The following KCNIP4 variants were observed in gnomAD, a reference collection of about 807,000 sequenced individuals.
The protein encoded by KCNIP4 is potassium voltage-gated channel interacting protein 4.
A neutral mutation model predicts 34.0 loss-of-function variants in KCNIP4; 12 were observed. That is an observed-to-expected ratio of 0.35 (90% CI 0.23 to 0.57). The LOEUF (loss-of-function observed/expected upper bound fraction) is 0.57. KCNIP4 is among the 20% of genes least tolerant of loss of function. The pLI, the probability that KCNIP4 is intolerant of heterozygous loss-of-function variation, is 0.83. For synonymous variants in KCNIP4, 124 were observed against 102.2 expected (o/e 1.21, Z -1.29); for missense variants, 238 against 311.7 (o/e 0.76, Z 1.78).
At chr4:20,732,630 G>C (rs905482541) in intron 7 of KCNIP4, 51 bp downstream of exon 7, 3 of 1,201,218 alleles carry the variant, frequency 2.5e-6, no homozygotes, top group Non-Finnish European at 3.7e-6. Flanking sequence ...GCAAACATCA[G>C]GAAATTTTCT....
intron 1 of KCNIP4, among the ~76,000 whole-genome samples, chr4:21,443,158 T>C (rs1256737226): frequency 6.6e-6 from 1 of 152,196 alleles, no homozygotes; most frequent in African/African-American, 2.4e-5. Flanking sequence ...ATCTGTATCA[T>C]TGAAATAATC....
At chr4:21,389,224 A>T (rs1014397457) in intron 1 of KCNIP4, among the ~76,000 whole-genome samples, 6 of 151,926 alleles carry the variant, frequency 3.9e-5, no homozygotes, top group African/African-American at 1.5e-4. Flanking sequence ...CAAGCAATCC[A>T]TCTGCCTCAG....
intron 1 of KCNIP4, among the ~76,000 whole-genome samples, chr4:21,269,581 T>C (rs893104040): frequency 7.2e-5 from 11 of 151,936 alleles, no homozygotes; most frequent in Non-Finnish European, 2.9e-5. Flanking sequence ...AATTTTTGTA[T>C]GTTTTGTAGC....
At chr4:20,992,306 T>C (rs1737146904) in intron 1 of KCNIP4, among the ~76,000 whole-genome samples, 2 of 152,090 alleles carry the variant, frequency 1.3e-5, no homozygotes, top group Non-Finnish European at 2.9e-5. Context: ...AGGGGAAATG[T>C]CCGTCACTTG....
intron 1 of KCNIP4, among the ~76,000 whole-genome samples, chr4:21,646,994 A>G (rs931972719): frequency 6.6e-6 from 1 of 152,144 alleles, no homozygotes; most frequent in African/African-American, 2.4e-5. Flanking sequence ...GAGGGGAAAA[A>G]AAACCACAAC....
At chr4:21,045,699 T>G (rs1294443788) in intron 1 of KCNIP4, among the ~76,000 whole-genome samples, 1 of 152,192 alleles carries the variant, frequency 6.6e-6, no homozygotes, top group East Asian at 1.9e-4. Context: ...AGTACATATT[T>G]TATTTATTAG....
intron 1 of KCNIP4, among the ~76,000 whole-genome samples, chr4:21,224,610 G>A (rs1463393770): frequency 3.7e-4 from 31 of 84,592 alleles, no homozygotes; most frequent in Non-Finnish European, 4.3e-4. Flanking sequence ...TTTTTCAGAT[G>A]GAGTCTTGCT....
intron 1 of KCNIP4, among the ~76,000 whole-genome samples, chr4:20,956,188 G>A (rs1222730948): frequency 1.3e-5 from 2 of 152,118 alleles, no homozygotes; most frequent in Admixed American, 6.5e-5. Context: ...ATTACCCTTA[G>A]GAGAAAATAA....
intron 1 of KCNIP4, among the ~76,000 whole-genome samples, chr4:21,179,670 T>C (rs1447948008): frequency 6.6e-6 from 1 of 152,202 alleles, no homozygotes; most frequent in Non-Finnish European, 1.5e-5. Context: ...AATGCATACA[T>C]GCTATTTCTG....
intron 1 of KCNIP4, among the ~76,000 whole-genome samples, chr4:21,935,456 C>A (rs993980299): frequency 1.3e-5 from 2 of 151,992 alleles, no homozygotes; most frequent in African/African-American, 4.8e-5. Context: ...CCTATGCCAT[C>A]CAAACTGCTG....
At chr4:20,986,368 C>T (rs1736579808) in intron 1 of KCNIP4, among the ~76,000 whole-genome samples, 1 of 152,136 alleles carries the variant, frequency 6.6e-6, no homozygotes, top group African/African-American at 2.4e-5. Context: ...ATTTTCTTCT[C>T]CATTATATCA....
chr4:21,049,991 G>T (rs1742784411), intron 1 of KCNIP4, among the ~76,000 whole-genome samples: 1 of 152,150 alleles, frequency 6.6e-6, no homozygotes, highest in Non-Finnish European at 1.5e-5. Flanking sequence ...GACACCAGAG[G>T]TGACAGTAGC....
intron 1 of KCNIP4, among the ~76,000 whole-genome samples, chr4:20,965,418 C>T (rs1734246741): frequency 6.6e-6 from 1 of 152,276 alleles, no homozygotes; most frequent in Admixed American, 6.5e-5. Context: ...GAGGAGGTAA[C>T]TCATGGTATA....
chr4:21,862,362 G>T (rs2109352727), intron 1 of KCNIP4, among the ~76,000 whole-genome samples: 1 of 152,268 alleles, frequency 6.6e-6, no homozygotes, highest in African/African-American at 2.4e-5. Context: ...CCTAGATGCT[G>T]ACAATATAAC....
intron 1 of KCNIP4, among the ~76,000 whole-genome samples, chr4:21,763,743 T>C (rs898309837): frequency 1.3e-5 from 2 of 152,200 alleles, no homozygotes; most frequent in African/African-American, 4.8e-5. Context: ...TCTTCCACTG[T>C]ATATGCTAAA....
At chr4:21,001,742 C>T (rs1195478086) in intron 1 of KCNIP4, among the ~76,000 whole-genome samples, 3 of 152,176 alleles carry the variant, frequency 2.0e-5, no homozygotes, top group African/African-American at 4.8e-5. Context: ...ATTATCTGCA[C>T]TTAGCAGATA....
intron 1 of KCNIP4, among the ~76,000 whole-genome samples, chr4:20,923,460 G>A (rs994074128): frequency 6.6e-6 from 1 of 152,052 alleles, no homozygotes; most frequent in South Asian, 2.1e-4. Context: ...ACTGTATCTA[G>A]TTTCTTCATT....
intron 1 of KCNIP4, among the ~76,000 whole-genome samples, chr4:21,384,297 C>T (rs1483441725): frequency 3.3e-5 from 5 of 151,882 alleles, no homozygotes; most frequent in African/African-American, 4.8e-5. Flanking sequence ...CTCTTTCTAC[C>T]CAAACTAAAA....
At chr4:21,239,517 G>A (rs973234761) in intron 1 of KCNIP4, among the ~76,000 whole-genome samples, 13 of 151,892 alleles carry the variant, frequency 8.6e-5, no homozygotes, top group East Asian at 3.9e-4. Context: ...ATGAACTCAA[G>A]CGAATTTACA....
Sources: allele counts gnomAD v4.1 joint callset (sites outside exome capture counted in the v4.1 genomes callset), GRCh38; gene constraint gnomAD v4.1.1; transcripts MANE v1.5; gene names NCBI Gene and HGNC (gene_info 2026-07-23, HGNC 2026-07-21).